FGR: variants seen among roughly 807,000 people sequenced by gnomAD.
FGR encodes FGR proto-oncogene, Src family tyrosine kinase.
FGR carries 26 observed loss-of-function variants against 63.2 expected under a neutral mutation model. The observed-to-expected ratio is 0.41, with a 90% CI of 0.30 to 0.57. The LOEUF (loss-of-function observed/expected upper bound fraction) is 0.57. FGR is among the 20% of genes least tolerant of loss of function. The pLI, the probability that FGR is intolerant of heterozygous loss-of-function variation, is 0.27. For synonymous variants in FGR, 286 were observed against 277.7 expected (o/e 1.03, Z -0.30); for missense variants, 511 against 690.8 (o/e 0.74, Z 2.92).
At chr1:27,633,659 C>T (rs1369989789) in intron 1 of FGR, among the ~76,000 whole-genome samples, 4 of 152,174 alleles carry the variant, frequency 2.6e-5, no homozygotes, top group East Asian at 1.9e-4. Flanking sequence ...AGCGATCCTC[C>T]GGCCTCAGCC....
At chr1:27,627,904 T>C (rs7413653) in intron 1 of FGR, among the ~76,000 whole-genome samples, 15,876 of 152,156 alleles carry the variant, frequency 0.1, 2,271 homozygotes, top group African/African-American at 0.32. Flanking sequence ...CCACTGCACC[T>C]GGCCTAAGTA....
At chr1:27,627,725 C>T (rs2090044305) in intron 1 of FGR, among the ~76,000 whole-genome samples, 1 of 152,188 alleles carries the variant, frequency 6.6e-6, no homozygotes, top group African/African-American at 2.4e-5. Flanking sequence ...TCTCTTGCCT[C>T]AGCCTCCTGA....
chr1:27,634,881 G>T (rs989551166), intron 1 of FGR, among the ~76,000 whole-genome samples, 184 bp downstream of exon 1: 5 of 152,094 alleles, frequency 3.3e-5, no homozygotes, highest in African/African-American at 4.8e-5. Flanking sequence ...TTGCTTTTCA[G>T]GTCGCCCGTT....
chr1:27,616,941 T>A lies in FGR; in HGVS notation c.598A>T (p.Ile200Phe). Residue 200 changes from isoleucine (I) to phenylalanine (F), a missense_variant, in exon 7 of 13, where the codon ATC becomes TTC. Transcript: ENST00000374005. This position sits in a 1 kb window ranked among gnomAD's most constrained non-coding sequence, Gnocchi z 4.3. ...TRGDHVKHYKIRKLDMGGYYI... is the reference protein window; with the variant it reads ...TRGDHVKHYKFRKLDMGGYYI... ...TAGCCGCCCATGTCCAGTTTGCGGA[T>A]CTTGTAATGCTTCACATGATCGCCT... is the stretch of plus-strand genomic sequence containing the variant. 3 of 1,614,192 alleles carry A rather than the reference T, an allele frequency of 1.9e-6. No homozygotes were observed. Among genetic ancestry groups the A allele is most frequent in the Non-Finnish European group, 2.5e-6 (3 of 1,180,026 alleles).
In FGR at chr1:27,615,406, C is replaced by A; in HGVS notation, c.1018+28G>T. On this transcript the variant is annotated intron_variant, in intron 9 of 12. Coordinates refer to ENST00000374005, the MANE Select transcript of FGR (RefSeq NM_005248.3). The surrounding 1 kb of genome is among the most constrained non-coding windows in gnomAD (Gnocchi z 7.6). Reference sequence around the variant, plus strand: ...CTCCCCTCTTAACTTCACCCCGAATCCCGCCCGACCAGGCTCCGCCTCCTG... The same window carrying A: ...CTCCCCTCTTAACTTCACCCCGAATACCGCCCGACCAGGCTCCGCCTCCTG... 2 of 1,586,096 alleles carry A rather than the reference C, an allele frequency of 1.3e-6. No individual in the cohort carries two copies. The highest frequency in any genetic ancestry group is 1.3e-5 in the African/African-American group (1 of 74,590).
intron 1 of FGR, among the ~76,000 whole-genome samples, chr1:27,634,292 G>C (rs1571413565): frequency 6.6e-6 from 1 of 152,290 alleles, no homozygotes; most frequent in South Asian, 2.1e-4. Flanking sequence ...AGCGCGGGCC[G>C]AGACCGCCGC....
In FGR at chr1:27,616,841, A is replaced by C; in HGVS notation, c.682+16T>G. On this transcript the variant is annotated intron_variant, in intron 7 of 12. Transcript: ENST00000374005. This position sits in a 1 kb window ranked among gnomAD's most constrained non-coding sequence, Gnocchi z 4.3. ...TTCAGTTGGTTGGTTCAGGGATCTG[A>C]GGCCCCTGCCCTCACCCATGTAGTG... 6.2e-7 allele frequency: 1 copy of C among 1,613,800 alleles called. No homozygotes were observed. Among genetic ancestry groups the C allele is most frequent in the South Asian group, 1.1e-5 (1 of 91,072 alleles).
At chr1:27,618,343 G>A (rs1358226455) in intron 5 of FGR, among the ~76,000 whole-genome samples, 1 of 152,152 alleles carries the variant, frequency 6.6e-6, no homozygotes, top group African/African-American at 2.4e-5. Context: ...GTTAGGGTCT[G>A]CCTTAATACA....
At chr1:27,627,447 A>AACACACACACACACAC (rs3076985) in intron 1 of FGR, among the ~76,000 whole-genome samples, 69 of 148,496 alleles carry the variant, frequency 4.6e-4, no homozygotes, top group African/African-American at 1.5e-3. Flanking sequence ...CATGCACATG[A>AACACACACACACACAC]ACACACACAC....
rs1336643647 is a variant in FGR at position 27,612,609 on chromosome 1, A to G, written c.*305T>C. Reference sequence around the variant, plus strand: ...GGGAGGTACATACAGTTTTATAAATAACTAGACAAGGTCTGAGCACTTTGG... The same window carrying G: ...GGGAGGTACATACAGTTTTATAAATGACTAGACAAGGTCTGAGCACTTTGG... On this transcript the variant is annotated 3_prime_UTR_variant, in exon 13 of 13. Coordinates refer to ENST00000374005, the MANE Select transcript of FGR (RefSeq NM_005248.3). 4.4e-5 allele frequency: 15 copies of G among 339,370 alleles called. No individual in the cohort carries two copies. Among genetic ancestry groups the G allele is most frequent in the Non-Finnish European group, 6.6e-5 (12 of 182,704 alleles). The allele number at this position is 339,370 out of a possible 1,614,324, so 21.0% of individuals were successfully genotyped here.
chr1:27,626,360 G>A (rs759019276), intron 1 of FGR: 4 of 396,984 alleles, frequency 1.0e-5, no homozygotes, highest in Non-Finnish European at 1.3e-5. Flanking sequence ...AGAAGAAAGG[G>A]CCCCCAGCTT....
chr1:27,624,003 T>G lies in FGR; in HGVS notation c.-13-74A>C, dbSNP rs745399197. 5.5e-6 allele frequency: 7 copies of G among 1,269,192 alleles called. No homozygotes were observed. In the East Asian group the frequency reaches 1.6e-4, roughly 30 times the overall value. 78.6% of individuals were successfully genotyped at this position (1,269,192 alleles called of 1,614,324 possible). On this transcript the variant is annotated intron_variant, in intron 2 of 12. Transcript: ENST00000374005. ...CCCTGTGCACACACGCGCATGCACA[T>G]GCTCATACGCTCATACAGGCACGTG...
chr1:27,625,760 G>A (rs1215919352), intron 1 of FGR, among the ~76,000 whole-genome samples: 4 of 152,142 alleles, frequency 2.6e-5, no homozygotes, highest in Non-Finnish European at 4.4e-5. Context: ...CCAATATGGT[G>A]AAACCCCGTC....
rs532328617 is a variant in FGR at position 27,623,976 on chromosome 1, C to T, written c.-13-47G>A. The T allele has an allele frequency of 7.4e-5, 106 of 1,437,776 alleles. No homozygotes were observed. The South Asian group carries it at 1.3e-3, about 17-fold the overall frequency. The allele number at this position is 1,437,776 out of a possible 1,614,324, so 89.1% of individuals were successfully genotyped here. A position where few individuals can be genotyped will look rare whatever the true frequency, so the allele number is the denominator to read the frequency against. ...ACTCAAGGACCCCTGCCAGGTGCACCACCCTGTGCACACACGCGCATGCAC... is the reference window on the plus strand; with the variant it reads ...ACTCAAGGACCCCTGCCAGGTGCACTACCCTGTGCACACACGCGCATGCAC... On this transcript the variant is annotated intron_variant, in intron 2 of 12. Coordinates refer to ENST00000374005, the MANE Select transcript of FGR (RefSeq NM_005248.3).
At position 27,623,677 on chromosome 1, in the gene FGR, C is replaced by A; in HGVS notation, c.226+14G>T. On this transcript the variant is annotated intron_variant, in intron 3 of 12. Coordinates refer to ENST00000374005, the MANE Select transcript of FGR (RefSeq NM_005248.3). ...GGATCCAGGCAGCTCCTGCCTCCGA[C>A]CCCTTGGACTCACCTGACACACCCC... 1 of 1,613,644 alleles carries A rather than the reference C, an allele frequency of 6.2e-7. No individual in the cohort carries two copies. The highest frequency in any genetic ancestry group is 8.5e-7 in the Non-Finnish European group (1 of 1,179,632).
At chr1:27,630,302 C>G (rs1226312756) in intron 1 of FGR, among the ~76,000 whole-genome samples, 1 of 152,208 alleles carries the variant, frequency 6.6e-6, no homozygotes, top group Non-Finnish European at 1.5e-5. Flanking sequence ...ATCTGCCCGC[C>G]TCGGCCTCCC....
At chr1:27,634,389 G>C (rs893701344) in intron 1 of FGR, among the ~76,000 whole-genome samples, 4 of 152,172 alleles carry the variant, frequency 2.6e-5, no homozygotes, top group African/African-American at 9.7e-5. Context: ...TCGCGCGCCC[G>C]GCAGGAGTCC....
Position 27,621,945 on chromosome 1 carries a change from AG to A in FGR, c.330-289del, listed in dbSNP as rs370615964. Among the ~76,000 whole-genome samples the A allele has an allele frequency of 6.0e-4, 91 of 152,268 alleles. 2 individuals are homozygous for A. In the South Asian group the frequency reaches 0.018, roughly 31 times the overall value. ...TTGGGAATTCAGAGGACAGCTGACT[AG>A]GTCACTTCCCCACAGAAAATGGCTA... On this transcript the variant is annotated intron_variant, in intron 4 of 12. Coordinates refer to ENST00000374005, the MANE Select transcript of FGR (RefSeq NM_005248.3).
chr1:27,626,931 C>T (rs551507239), intron 1 of FGR, among the ~76,000 whole-genome samples: 1 of 152,220 alleles, frequency 6.6e-6, no homozygotes, highest in African/African-American at 2.4e-5. Context: ...CTTTGGTAGG[C>T]CGAGGCAGGA....
Sources: gnomAD v4.1 joint callset for allele counts (sites outside exome capture counted in the v4.1 genomes callset) on GRCh38, gnomAD v4.1.1 for gene constraint, Gnocchi (gnomAD v3.1) non-coding constraint, MANE v1.5 for transcripts, NCBI Gene and HGNC (gene_info 2026-07-23, HGNC 2026-07-21) for gene names.